Variants in TBC1D12 observed in about 807,000 individuals in gnomAD.
TBC1D12 encodes TBC1 domain family member 12, also known as TBC1 domain family, member 12.
In TBC1D12, 56 loss-of-function variants were observed where a neutral mutation model predicts 86.7. That is an observed-to-expected ratio of 0.65 (90% confidence interval 0.52 to 0.81). TBC1D12 has a LOEUF of 0.81. TBC1D12 is among the 30% of genes least tolerant of loss of function. TBC1D12 has a pLI of 0.00. For missense variants in TBC1D12, 1,023 were observed against 1,038.8 expected (o/e 0.98, Z 0.21); for synonymous variants, 421 against 411.7 (o/e 1.02, Z -0.27).
chr10:94,471,250 T>A (rs2055901070), intron 2 of TBC1D12, among the ~76,000 whole-genome samples: 1 of 143,646 alleles, frequency 7.0e-6, no homozygotes, highest in African/African-American at 2.6e-5. Context: ...CACTCCAGCC[T>A]GGGCAATAGA....
intron 3 of TBC1D12, among the ~76,000 whole-genome samples, chr10:94,489,790 C>T (rs1156424394): frequency 4.6e-5 from 7 of 152,254 alleles, no homozygotes; most frequent in African/African-American, 1.7e-4. Flanking sequence ...TGGGAATGGT[C>T]AGTCTGTGGA....
Position 94,403,202 on chromosome 10 carries a change from G to T in TBC1D12, c.589G>T (p.Asp197Tyr). 2.0e-6 allele frequency: 3 copies of T among 1,501,608 alleles called. No homozygotes were observed. Among genetic ancestry groups the T allele is most frequent in the Non-Finnish European group, 2.7e-6 (3 of 1,127,854 alleles). The allele number at this position is 1,501,608 out of a possible 1,614,324, so 93.0% of individuals were successfully genotyped here. The change falls in exon 1 of 13, where the codon GAC becomes TAC. Residue 197 changes from aspartate (D) to tyrosine (Y), a missense_variant. By Grantham distance (160) the Asp-to-Tyr change is radical. Around this residue, in one of 2 missense-constraint regions of TBC1D12, gnomAD observed 628 missense variants for 531.1 expected, o/e 1.18. Transcript: ENST00000225235. ...SPSDWASPLE[D>Y]PLRSCCLVAA... Reference sequence around the variant, plus strand: ...GTCCGATTGGGCCTCTCCGCTTGAGGACCCGCTGCGGAGCTGCTGCCTGGT... The same window carrying T: ...GTCCGATTGGGCCTCTCCGCTTGAGTACCCGCTGCGGAGCTGCTGCCTGGT...
chr10:94,407,928 T>C (rs2054879269), intron 1 of TBC1D12, among the ~76,000 whole-genome samples: 1 of 152,200 alleles, frequency 6.6e-6, no homozygotes, highest in Admixed American at 6.5e-5. Flanking sequence ...ATTGAGTCAC[T>C]GCACTCTAGC....
chr10:94,412,574 A>C (rs1409828540), intron 1 of TBC1D12, among the ~76,000 whole-genome samples: 1 of 152,230 alleles, frequency 6.6e-6, no homozygotes, highest in African/African-American at 2.4e-5. Context: ...TATTGTCTTA[A>C]GGAACTTTTA....
intron 2 of TBC1D12, among the ~76,000 whole-genome samples, chr10:94,459,605 C>T (rs1159353386): frequency 1.3e-5 from 2 of 152,218 alleles, no homozygotes; most frequent in African/African-American, 2.4e-5. Flanking sequence ...TTGGGGGGAG[C>T]TCGGGCATGG....
intron 1 of TBC1D12, among the ~76,000 whole-genome samples, chr10:94,409,438 C>T (rs914911265): frequency 7.0e-6 from 1 of 143,118 alleles, no homozygotes; most frequent in African/African-American, 2.6e-5. Context: ...AATGCGGTGG[C>T]ACGGCTCACT....
rs1432031924 is a variant in TBC1D12, at chr10:94,466,231, A to T, written c.1096-8437A>T. ...TGTAAACTCCTTATTTACATTTGCC[A>T]GTATATTTCTGTATTAAATGACCAA... On this transcript the variant is annotated intron_variant, in intron 2 of 12. Transcript: ENST00000225235. Among the ~76,000 whole-genome samples, 4 of 152,026 alleles carry T rather than the reference A, an allele frequency of 2.6e-5. No homozygotes were observed. In the East Asian group the frequency reaches 5.8e-4, roughly 22 times the overall value.
intron 1 of TBC1D12, among the ~76,000 whole-genome samples, chr10:94,423,568 G>A (rs1321592197): frequency 4.0e-5 from 6 of 151,842 alleles, no homozygotes; most frequent in South Asian, 4.2e-4. Flanking sequence ...GGCTGGTCTC[G>A]AACTCCTGAC....
intron 1 of TBC1D12, among the ~76,000 whole-genome samples, chr10:94,409,083 C>A (rs2054893971): frequency 6.6e-6 from 1 of 152,100 alleles, no homozygotes; most frequent in Non-Finnish European, 1.5e-5. Flanking sequence ...GCTCAAGAGC[C>A]TTTTATATCT....
rs142714889 is a variant in TBC1D12 at position 94,528,697 on chromosome 10, C to T, written c.2001-2505C>T. Among the ~76,000 whole-genome samples the T allele has an allele frequency of 4.4e-3, 675 of 152,010 alleles. 6 individuals carry two copies. The highest frequency in any genetic ancestry group is 0.015 in the African/African-American group (628 of 41,466). On this transcript the variant is annotated intron_variant, in intron 11 of 12. Coordinates refer to ENST00000225235, the MANE Select transcript of TBC1D12 (RefSeq NM_015188.2). ...ATTAGCCAGGTGTGGTGGCAGGCAC[C>T]TGTAATCCCAGCTACTCGGGAGGCT...
At chr10:94,531,172 T>G in intron 11 of TBC1D12, 30 bp from the exon 12 acceptor site, 7 of 1,591,264 alleles carry the variant, frequency 4.4e-6, no homozygotes, top group Non-Finnish European at 6.0e-6. Context: ...AATGAAAAAT[T>G]TCAGTGACCA....
chr10:94,530,568 T>C (rs559785218), intron 11 of TBC1D12, among the ~76,000 whole-genome samples: 52 of 152,350 alleles, frequency 3.4e-4, no homozygotes, highest in Middle Eastern at 3.4e-3. Flanking sequence ...TTAACTACTA[T>C]AATTTTTAAA....
At chr10:94,457,310 T>C (rs75125220) in intron 2 of TBC1D12, among the ~76,000 whole-genome samples, 3,335 of 152,226 alleles carry the variant, frequency 0.022, 123 homozygotes, top group African/African-American at 0.074. Flanking sequence ...CCTGTATCCA[T>C]GTGTTCTCAT....
rs1405918937 is a variant in TBC1D12, at chr10:94,434,259, A to G, written c.972-7637A>G. On this transcript the variant is annotated intron_variant, in intron 1 of 12. Transcript: ENST00000225235. Reference sequence around the variant, plus strand: ...AGTGGCTCACGCCTGTAATCCCAGCACTTTGGGAGGCCGAGGCAGGTGGAT... The same window carrying G: ...AGTGGCTCACGCCTGTAATCCCAGCGCTTTGGGAGGCCGAGGCAGGTGGAT... 3.3e-5 allele frequency among the ~76,000 whole-genome samples: 5 copies of G among 151,974 alleles called. No homozygotes were observed. The East Asian group carries it at 7.7e-4, about 24-fold the overall frequency.
At chr10:94,516,103 A>T (rs1002824607) in intron 9 of TBC1D12, among the ~76,000 whole-genome samples, 1 of 152,224 alleles carries the variant, frequency 6.6e-6, no homozygotes, top group African/African-American at 2.4e-5. Context: ...AGAAAGCAAA[A>T]CTGGGGAAAG....
chr10:94,436,032 A>T (rs1022982286), intron 1 of TBC1D12, among the ~76,000 whole-genome samples: 1 of 152,092 alleles, frequency 6.6e-6, no homozygotes, highest in Non-Finnish European at 1.5e-5. Flanking sequence ...CCCTGGGTCA[A>T]TACCATATGT....
chr10:94,454,255 C>T (rs909682426), intron 2 of TBC1D12, among the ~76,000 whole-genome samples: 5 of 152,104 alleles, frequency 3.3e-5, no homozygotes, highest in African/African-American at 9.7e-5. Context: ...GAGTTTTGCT[C>T]TTGTTGCCCA....
chr10:94,405,442 A>G (rs750445337), intron 1 of TBC1D12, among the ~76,000 whole-genome samples: 1 of 152,244 alleles, frequency 6.6e-6, no homozygotes, highest in African/African-American at 2.4e-5. Context: ...TACTCAGGAC[A>G]ATATATGTAG....
intron 2 of TBC1D12, among the ~76,000 whole-genome samples, chr10:94,455,965 A>G (rs2055621378): frequency 6.6e-6 from 1 of 151,940 alleles, no homozygotes; most frequent in African/African-American, 2.4e-5. Context: ...AAAAAAAAAG[A>G]ATTGTTCATA....
Sources: gnomAD v4.1 joint callset for allele counts (sites outside exome capture counted in the v4.1 genomes callset) on GRCh38, gnomAD v4.1.1 for gene constraint, gnomAD v4.1.1 regional missense constraint, MANE v1.5 for transcripts, NCBI Gene and HGNC (gene_info 2026-07-23, HGNC 2026-07-21) for gene names.